SLF2: variants seen among roughly 807,000 people sequenced by gnomAD.
SLF2 encodes the protein SMC5-SMC6 complex localization factor protein 2.
In SLF2, 68 loss-of-function variants were observed where a neutral mutation model predicts 124.3. That is an observed-to-expected ratio of 0.55 (90% CI 0.45 to 0.67). SLF2 has a LOEUF of 0.67. Among genes scored for constraint, SLF2 ranks in the 30% least tolerant of loss-of-function variants. The pLI is 0.00. For synonymous variants in SLF2, 480 were observed against 478.8 expected, an observed-to-expected ratio of 1.00 and a Z score of -0.03; for missense variants, 1,246 against 1,373.7, an observed-to-expected ratio of 0.91 and a Z score of 1.47.
chr10:100,950,091 C>T lies in SLF2; in HGVS notation c.3136C>T (p.Arg1046Cys), dbSNP rs1371687099. ...ASNLQVSVLH[R>C]YLVQMKPSDL... The stretch of plus-strand genomic sequence containing the variant: ...CTTTTGATAGGTATCAGTCCTACAT[C>T]GCTATCTTGTGCAGATGAAGCCTTC... Residue 1046 changes from arginine (R) to cysteine (C), a missense_variant, in exon 16 of 20, where the codon CGC (arginine) becomes TGC (cysteine). Coordinates refer to ENST00000238961, the MANE Select transcript of SLF2 (RefSeq NM_018121.4). 1.2e-6 allele frequency: 2 copies of T among 1,611,926 alleles called. No individual in the cohort carries two copies. Among genetic ancestry groups the T allele is most frequent in the Non-Finnish European group, 1.7e-6 (2 of 1,178,946 alleles).
intron 19 of SLF2, 71 bp from the exon 20 acceptor site, chr10:100,961,806 G>A (rs529471112): frequency 1.5e-6 from 2 of 1,348,216 alleles, no homozygotes; most frequent in African/African-American, 1.4e-5. Context: ...ATGATTAGTA[G>A]TTTTATAAGG....
intron 9 of SLF2, among the ~76,000 whole-genome samples, chr10:100,936,396 C>T (rs756951112): frequency 6.6e-6 from 1 of 151,968 alleles, no homozygotes; most frequent in Non-Finnish European, 1.5e-5. Flanking sequence ...TGCAGTGGCA[C>T]GATCTCAGCT....
In SLF2 at chr10:100,950,066, C is replaced by G. The variant is rs370313488; in HGVS notation, c.3121-10C>G. The G allele has an allele frequency of 1.0e-5, 16 of 1,552,398 alleles. No homozygotes were observed. The highest frequency in any genetic ancestry group is 1.4e-5 in the Non-Finnish European group (16 of 1,147,544). On this transcript the variant is annotated splice_polypyrimidine_tract_variant and intron_variant, in intron 15 of 19. Transcript: ENST00000238961. ...TAGCTTTGTTCAATGTCTCCTCTTTCTTTTGATAGGTATCAGTCCTACATC... is the reference window on the plus strand; with the variant it reads ...TAGCTTTGTTCAATGTCTCCTCTTTGTTTTGATAGGTATCAGTCCTACATC...
intron 6 of SLF2, 120 bp downstream of exon 6, chr10:100,926,139 T>A: frequency 1.3e-6 from 2 of 1,571,604 alleles, no homozygotes; most frequent in South Asian, 2.3e-5. Flanking sequence ...GACTCTGTTG[T>A]CAACTGTGTT....
chr10:100,923,083 T>A (rs78278920), intron 4 of SLF2, among the ~76,000 whole-genome samples: 1,942 of 152,290 alleles, frequency 0.013, 18 homozygotes, highest in Middle Eastern at 0.027. Flanking sequence ...GCCCACAATA[T>A]GAATTTTTAA....
rs1005712140 is a variant in SLF2 at position 100,943,307 on chromosome 10, T to C, written c.2655-719T>C. On this transcript the variant is annotated intron_variant, in intron 11 of 19. Coordinates refer to ENST00000238961, the MANE Select transcript of SLF2 (RefSeq NM_018121.4). ...ACAGTGGGACATATATTCATATTTG[T>C]TTGTTTATACATAAAATGCCAATGG... 2.6e-5 allele frequency among the ~76,000 whole-genome samples: 4 copies of C among 152,224 alleles called. No homozygotes were observed. In the East Asian group the frequency reaches 7.7e-4, roughly 29 times the overall value.
intron 8 of SLF2, among the ~76,000 whole-genome samples, chr10:100,930,532 G>A (rs896125595): frequency 6.6e-6 from 1 of 152,180 alleles, no homozygotes; most frequent in African/African-American, 2.4e-5. Flanking sequence ...TGCAGCTACA[G>A]ATCAGGGTTC....
At chr10:100,948,816 G>A (rs1011233894) in intron 15 of SLF2, among the ~76,000 whole-genome samples, 1 of 152,196 alleles carries the variant, frequency 6.6e-6, no homozygotes, top group Non-Finnish European at 1.5e-5. Flanking sequence ...AACCCAGGAG[G>A]TGGAGCTTGC....
intron 17 of SLF2, among the ~76,000 whole-genome samples, chr10:100,955,547 G>T (rs1850314105): frequency 6.6e-6 from 1 of 152,012 alleles, no homozygotes; most frequent in Admixed American, 6.6e-5. Flanking sequence ...ATCACTTGAA[G>T]CCATGCATTT....
At position 100,964,468 on chromosome 10, in the gene SLF2, A is replaced by G. The variant is rs1238800044; in HGVS notation, c.*2556A>G. 2 of 152,678 alleles carry G rather than the reference A, an allele frequency of 1.3e-5. No individual in the cohort carries two copies. Among genetic ancestry groups the G allele is most frequent in the Non-Finnish European group, 2.9e-5 (2 of 68,052 alleles). 9.5% of individuals were successfully genotyped at this position (152,678 alleles called of 1,614,324 possible). ...GTTTTATCACATTAAGAGGCTCTCC[A>G]TGCACAAAATGCATTGATGTAGCCG... is the stretch of plus-strand genomic sequence containing the variant. On this transcript the variant is annotated 3_prime_UTR_variant, in exon 20 of 20. Transcript: ENST00000238961.
At chr10:100,922,776 AT>A (rs201403883) in intron 4 of SLF2, among the ~76,000 whole-genome samples, 5,776 of 140,286 alleles carry the variant, frequency 0.041, 116 homozygotes, top group Non-Finnish European at 0.056. Flanking sequence ...GTTAAAGTGA[AT>A]TTTTTTTTTT....
chr10:100,930,773 A>G (rs1849717274), intron 8 of SLF2, among the ~76,000 whole-genome samples: 1 of 152,230 alleles, frequency 6.6e-6, no homozygotes, highest in African/African-American at 2.4e-5. Flanking sequence ...TGTGGAGCCT[A>G]GCCAACAGAT....
intron 19 of SLF2, 113 bp from the exon 20 acceptor site, chr10:100,961,764 T>G (rs1589972157): frequency 1.2e-6 from 1 of 841,118 alleles, no homozygotes; most frequent in East Asian, 2.6e-5. Flanking sequence ...TATAAAGATT[T>G]TATTACTTGT....
In SLF2 at chr10:100,938,694, C is replaced by G; in HGVS notation, c.2612C>G (p.Pro871Arg). 2 of 1,612,688 alleles carry G rather than the reference C, an allele frequency of 1.2e-6. No individual in the cohort carries two copies. The highest frequency in any genetic ancestry group is 1.7e-6 in the Non-Finnish European group (2 of 1,179,574). The change falls in exon 11 of 20, where the codon CCC becomes CGC. Residue 871 changes from proline to arginine, a missense_variant. Physicochemically the swap from Pro to Arg is moderately radical, Grantham distance 103. This residue lies in a region of SLF2 where 535 missense variants were observed against 632.8 expected (regional missense o/e 0.85). Transcript: ENST00000238961. ...NMGIDFRSLF[P>R]LENLQPDFNE... Reference sequence around the variant, plus strand: ...GGGATTGATTTTAGATCTTTGTTTCCCCTGGAGAATCTTCAGCCAGACTTT... The same window carrying G: ...GGGATTGATTTTAGATCTTTGTTTCGCCTGGAGAATCTTCAGCCAGACTTT...
At chr10:100,945,156 C>T (rs1404433787) in intron 12 of SLF2, among the ~76,000 whole-genome samples, 174 bp from the exon 13 acceptor site, 1 of 152,192 alleles carries the variant, frequency 6.6e-6, no homozygotes, top group Non-Finnish European at 1.5e-5. Context: ...GAAAATGCCA[C>T]TTAATTCAAC....
chr10:100,960,998 C>CCTTTTT (rs1850417317), intron 19 of SLF2, among the ~76,000 whole-genome samples: 1 of 61,364 alleles, frequency 1.6e-5, no homozygotes, highest in Non-Finnish European at 2.8e-5. Context: ...TTCTGTACTT[C>CCTTTTT]TTTTTTTTTT....
chr10:100,963,880 A>G lies in SLF2; in HGVS notation c.*1968A>G, dbSNP rs1280923640. The G allele has an allele frequency of 1.3e-5, 2 of 152,570 alleles. No homozygotes were observed. Among genetic ancestry groups the G allele is most frequent in the Non-Finnish European group, 2.9e-5 (2 of 68,036 alleles). 9.5% of individuals were successfully genotyped at this position (152,570 alleles called of 1,614,324 possible). ...GATACATTTTTATTTAACAGTTCCA[A>G]TAAGAAAAAAATCTCTATTTTTAAT... On this transcript the variant is annotated 3_prime_UTR_variant, in exon 20 of 20. Transcript: ENST00000238961.
chr10:100,932,436 A>G (rs996161304), intron 9 of SLF2, among the ~76,000 whole-genome samples: 2 of 152,204 alleles, frequency 1.3e-5, no homozygotes, highest in African/African-American at 2.4e-5. Flanking sequence ...GGTGTCAGAG[A>G]ACTACAGCTA....
At chr10:100,961,825 A>G in intron 19 of SLF2, 52 bp from the exon 20 acceptor site, 1 of 1,524,798 alleles carries the variant, frequency 6.6e-7, no homozygotes, top group Non-Finnish European at 9.0e-7. Context: ...GGATTAATTC[A>G]TAATATGATT....
Sources: allele counts gnomAD v4.1 joint callset (sites outside exome capture counted in the v4.1 genomes callset), GRCh38; gene constraint gnomAD v4.1.1; regional missense constraint gnomAD v4.1.1; transcripts MANE v1.5; gene names NCBI Gene and HGNC (gene_info 2026-07-23, HGNC 2026-07-21).